The following VAV1 variants were observed in gnomAD, a reference collection of about 807,000 sequenced individuals.
The protein encoded by VAV1 is vav guanine nucleotide exchange factor 1.
Under a neutral mutation model 128.1 loss-of-function variants are expected in VAV1, and 33 were observed. That is an observed-to-expected ratio of 0.26 (90% CI 0.20 to 0.34). The LOEUF (loss-of-function observed/expected upper bound fraction) is 0.34. Ranked by LOEUF, VAV1 falls within the 10% of genes least tolerant of loss-of-function variation. The pLI is 1.00. For missense variants in VAV1, 715 were observed against 1,093.7 expected, an observed-to-expected ratio of 0.65 and a Z score of 4.88; for synonymous variants, 394 against 409.8, an observed-to-expected ratio of 0.96 and a Z score of 0.47.
chr19:6,853,576 T>A (rs540842341), intron 25 of VAV1, among the ~76,000 whole-genome samples: 1 of 149,448 alleles, frequency 6.7e-6, no homozygotes, highest in Admixed American at 6.7e-5. Flanking sequence ...AAAAAAAACA[T>A]AAAAATCAGC....
intron 15 of VAV1, among the ~76,000 whole-genome samples, 175 bp from the exon 16 acceptor site, chr19:6,833,009 T>A (rs1972122849): frequency 6.6e-6 from 1 of 152,162 alleles, no homozygotes; most frequent in African/African-American, 2.4e-5. Flanking sequence ...TTTCTCCCAA[T>A]GTGCATGGCA....
chr19:6,825,437 G>A (rs1390284806), intron 8 of VAV1, 31 bp downstream of exon 8: 1 of 1,583,212 alleles, frequency 6.3e-7, no homozygotes. Context: ...CTGAAGCTCT[G>A]GGGTCACTCT....
chr19:6,829,752 G>A, intron 13 of VAV1, 34 bp from the exon 14 acceptor site: 2 of 1,612,166 alleles, frequency 1.2e-6, no homozygotes, highest in African/African-American at 2.7e-5. Flanking sequence ...CAGTTGGGAA[G>A]AGCCAGACAG....
intron 14 of VAV1, 125 bp from the exon 15 acceptor site, chr19:6,831,966 A>T: frequency 1.5e-6 from 1 of 687,324 alleles, no homozygotes; most frequent in African/African-American, 1.9e-5. Context: ...ATATCCATGC[A>T]TGGTGCTAGG....
At chr19:6,840,891 C>T (rs1440600534) in intron 21 of VAV1, among the ~76,000 whole-genome samples, 15 of 151,888 alleles carry the variant, frequency 9.9e-5, no homozygotes, top group Admixed American at 2.6e-4. Context: ...GTGATTCTCC[C>T]ACTTCAGCCT....
chr19:6,847,168 T>C (rs960971888), intron 22 of VAV1, among the ~76,000 whole-genome samples: 1 of 152,266 alleles, frequency 6.6e-6, no homozygotes, highest in East Asian at 1.9e-4. Flanking sequence ...CACCTCGGCC[T>C]CCCAAAGTGC....
chr19:6,853,767 G>T (rs1408454717), intron 25 of VAV1, among the ~76,000 whole-genome samples, 180 bp from the exon 26 acceptor site: 1 of 151,980 alleles, frequency 6.6e-6, no homozygotes, highest in East Asian at 1.9e-4. Flanking sequence ...AAATTCAGAC[G>T]GGAGGATGAT....
At position 6,836,297 on chromosome 19, in the gene VAV1, AG is replaced by A. The variant is rs1327800116; in HGVS notation, c.1778-134del. On this transcript the variant is annotated intron_variant, in intron 19 of 26. Transcript: ENST00000602142. ...CCCACCAGCAATGAGTGAAAATTCCAGTTTCTCCACGTCCTTGTCAACACTT... is the reference window on the plus strand; with the variant it reads ...CCCACCAGCAATGAGTGAAAATTCCATTTCTCCACGTCCTTGTCAACACTT... The A allele has an allele frequency of 2.1e-5, 24 of 1,167,874 alleles. No individual in the cohort carries two copies. In the African/African-American group the frequency reaches 3.0e-4, roughly 14 times the overall value. 72.3% of individuals were successfully genotyped at this position (1,167,874 alleles called of 1,614,324 possible).
At chr19:6,838,773 A>C (rs553390638) in intron 21 of VAV1, among the ~76,000 whole-genome samples, 66 of 152,200 alleles carry the variant, frequency 4.3e-4, no homozygotes, top group South Asian at 8.3e-4. Flanking sequence ...TCTGTCACCT[A>C]GGCTGGAGTG....
intron 1 of VAV1, 62 bp downstream of exon 1, chr19:6,773,073 A>G: frequency 6.3e-7 from 1 of 1,595,842 alleles, no homozygotes; most frequent in South Asian, 1.1e-5. Flanking sequence ...CGGGGCTGAC[A>G]GTCGAGGGGC....
chr19:6,831,883 TG>T (rs1972065155), intron 14 of VAV1, among the ~76,000 whole-genome samples: 1 of 151,772 alleles, frequency 6.6e-6, no homozygotes, highest in African/African-American at 2.4e-5. Context: ...TGTGTGTGCA[TG>T]TGCACGCCTG....
At chr19:6,836,799 T>C (rs1972233390) in intron 20 of VAV1, among the ~76,000 whole-genome samples, 186 bp from the exon 21 acceptor site, 2 of 149,500 alleles carry the variant, frequency 1.3e-5, no homozygotes, top group South Asian at 4.3e-4. Flanking sequence ...CTGAGATAGA[T>C]GGACAAGCAG....
At chr19:6,794,445 C>T (rs1417488025) in intron 1 of VAV1, among the ~76,000 whole-genome samples, 1 of 152,110 alleles carries the variant, frequency 6.6e-6, no homozygotes, top group Non-Finnish European at 1.5e-5. Context: ...TTTGAGGCTG[C>T]AGTGAGCTAT....
At chr19:6,808,297 A>C (rs1282166199) in intron 1 of VAV1, among the ~76,000 whole-genome samples, 2 of 151,964 alleles carry the variant, frequency 1.3e-5, no homozygotes, top group African/African-American at 2.4e-5. Flanking sequence ...GGGAGACAAG[A>C]GTGAGACTTC....
rs1240614334 is a variant in VAV1, at chr19:6,828,984, A to G, written c.1265+84A>G. ...CCTAGATGGGCAGGTGGGTGGAGTCAACACAGATCTGGGTGGAGCCTGGGC... is the reference window on the plus strand; with the variant it reads ...CCTAGATGGGCAGGTGGGTGGAGTCGACACAGATCTGGGTGGAGCCTGGGC... On this transcript the variant is annotated intron_variant, in intron 13 of 26. Coordinates refer to ENST00000602142, the MANE Select transcript of VAV1 (RefSeq NM_005428.4). This position sits in a 1 kb window ranked among gnomAD's most constrained non-coding sequence, Gnocchi z 4.5. 6.6e-7 allele frequency: 1 copy of G among 1,520,702 alleles called. No individual in the cohort carries two copies. Among genetic ancestry groups the G allele is most frequent in the Non-Finnish European group, 9.0e-7 (1 of 1,105,498 alleles). 94.2% of individuals were successfully genotyped at this position (1,520,702 alleles called of 1,614,324 possible).
At chr19:6,801,618 C>T (rs1321118222) in intron 1 of VAV1, among the ~76,000 whole-genome samples, 1 of 152,096 alleles carries the variant, frequency 6.6e-6, no homozygotes, top group East Asian at 1.9e-4. Flanking sequence ...CAAAGGGCCC[C>T]TCCACCCACC....
intron 21 of VAV1, among the ~76,000 whole-genome samples, chr19:6,839,102 CA>C (rs1972304052): frequency 6.6e-6 from 1 of 151,910 alleles, no homozygotes; most frequent in Non-Finnish European, 1.5e-5. Context: ...GGAGTTTCAT[CA>C]TGTTGGTCAG....
chr19:6,835,216 CA>C (rs1568311451), intron 19 of VAV1, among the ~76,000 whole-genome samples: 3 of 7,108 alleles, frequency 4.2e-4, no homozygotes, highest in Non-Finnish European at 2.5e-3. Context: ...TATATACATA[CA>C]CACACACACA....
chr19:6,814,733 C>CTTTCTT (rs1971606926), intron 1 of VAV1, among the ~76,000 whole-genome samples: 1 of 24,168 alleles, frequency 4.1e-5, no homozygotes, highest in Non-Finnish European at 1.1e-4. Context: ...TCTTTCTTTC[C>CTTTCTT]TTTTTCCCTC....
Sources: allele counts gnomAD v4.1 joint callset (sites outside exome capture counted in the v4.1 genomes callset), GRCh38; gene constraint gnomAD v4.1.1; non-coding constraint Gnocchi (gnomAD v3.1); transcripts MANE v1.5; gene names NCBI Gene and HGNC (gene_info 2026-07-23, HGNC 2026-07-21).